The following TTC3 variants were observed in gnomAD, a reference collection of about 807,000 sequenced individuals.
TTC3 encodes the protein tetratricopeptide repeat domain 3, also known as E3 ubiquitin-protein ligase TTC3.
In TTC3, 180 loss-of-function variants were observed where a neutral mutation model predicts 249.6. The observed-to-expected ratio is 0.72, with a 90% CI of 0.64 to 0.82. The LOEUF (loss-of-function observed/expected upper bound fraction) is 0.82, where lower values mean the gene tolerates loss of function less well. Among genes scored for constraint, TTC3 ranks in the 40% least tolerant of loss-of-function variants. The pLI is 0.00. For missense variants in TTC3, 2,061 were observed against 2,398.4 expected (o/e 0.86, Z 2.94); for synonymous variants, 717 against 805.0 (o/e 0.89, Z 1.85).
At chr21:37,141,373 T>C (rs1339497736) in intron 20 of TTC3, among the ~76,000 whole-genome samples, 5 of 151,718 alleles carry the variant, frequency 3.3e-5, no homozygotes, top group Admixed American at 6.6e-5. Context: ...TAAATTTTCA[T>C]GTAACTTGTT....
chr21:37,159,658 A>G (rs1175059234), intron 28 of TTC3, 41 bp from the exon 29 acceptor site: 1 of 1,595,868 alleles, frequency 6.3e-7, no homozygotes, highest in Admixed American at 1.7e-5. Context: ...GGAAATGTAA[A>G]TATTTAGTTT....
chr21:37,181,286 T>C (rs1417962210), intron 35 of TTC3, among the ~76,000 whole-genome samples: 1 of 152,254 alleles, frequency 6.6e-6, no homozygotes, highest in Non-Finnish European at 1.5e-5. Context: ...TAGGTTCTTA[T>C]GCCTCAGCAT....
In TTC3 at chr21:37,104,076, A is replaced by G. The variant is rs2074805255; in HGVS notation, c.846-4316A>G. ...TTCCAGCAGAATATTGACAGTGGGA[A>G]TGGAAAAGTAGAAGGATTCAAGAGT... is the stretch of plus-strand genomic sequence containing the variant. On this transcript the variant is annotated intron_variant, in intron 10 of 45. Coordinates refer to ENST00000355666, the Ensembl canonical transcript of TTC3. Among the ~76,000 whole-genome samples the G allele has an allele frequency of 1.3e-5, 2 of 152,216 alleles. 1 individual carries two copies. Among genetic ancestry groups the G allele is most frequent in the Admixed American group, 1.3e-4 (2 of 15,286 alleles).
chr21:37,080,483 AG>A (rs2071485971), intron 1 of TTC3, among the ~76,000 whole-genome samples: 1 of 152,054 alleles, frequency 6.6e-6, no homozygotes, highest in Non-Finnish European at 1.5e-5. Context: ...TATTAGGTAA[AG>A]CTTGTTATTT....
At chr21:37,122,206 A>T (rs2147869881) in intron 12 of TTC3, among the ~76,000 whole-genome samples, 1 of 152,018 alleles carries the variant, frequency 6.6e-6, no homozygotes, top group East Asian at 1.9e-4. Context: ...TTTGAAACAG[A>T]CAGCAACCAA....
At chr21:37,093,900 A>G in intron 7 of TTC3, 105 bp from the exon 8 acceptor site, 1 of 650,102 alleles carries the variant, frequency 1.5e-6, no homozygotes, top group Middle Eastern at 2.5e-4. Flanking sequence ...ATAATATAGG[A>G]CCGTTGTGGA....
chr21:37,142,205 C>G (rs1352954935), intron 20 of TTC3, among the ~76,000 whole-genome samples: 9 of 152,304 alleles, frequency 5.9e-5, no homozygotes, highest in Admixed American at 3.3e-4. Flanking sequence ...TAGGGATGCC[C>G]TCTCTCACCA....
At chr21:37,177,553 C>T (rs986216379) in intron 35 of TTC3, among the ~76,000 whole-genome samples, 8 of 152,302 alleles carry the variant, frequency 5.3e-5, no homozygotes, top group Middle Eastern at 3.4e-3. Context: ...TCTCCCTTGC[C>T]AGTTCTCTAC....
intron 1 of TTC3, among the ~76,000 whole-genome samples, chr21:37,079,505 G>A (rs368653073): frequency 3.5e-5 from 4 of 114,530 alleles, no homozygotes; most frequent in African/African-American, 1.4e-4. Context: ...CTTTCATCAA[G>A]TTTATGGTAT....
At chr21:37,151,773 A>G in intron 25 of TTC3, 120 bp from the exon 26 acceptor site, 4 of 1,137,756 alleles carry the variant, frequency 3.5e-6, no homozygotes, top group Non-Finnish European at 4.7e-6. Context: ...TGAATGGAAG[A>G]TGTAGGCCGG....
At chr21:37,097,476 A>T (rs1190217341) in intron 10 of TTC3, among the ~76,000 whole-genome samples, 1 of 152,222 alleles carries the variant, frequency 6.6e-6, no homozygotes, top group East Asian at 1.9e-4. Context: ...ACCAAGCTAC[A>T]TAGGCATAAG....
intron 21 of TTC3, 76 bp downstream of exon 21, chr21:37,144,721 G>A (rs1344047): frequency 0.33 from 504,126 of 1,530,884 alleles, 86,338 homozygotes; most frequent in South Asian, 0.52. Flanking sequence ...ATCAGGAGGC[G>A]GAGAGGTAGG....
intron 1 of TTC3, chr21:37,082,773 G>A: frequency 3.0e-6 from 3 of 984,712 alleles, no homozygotes; most frequent in Non-Finnish European, 3.6e-6. Flanking sequence ...CCCCCAGAGT[G>A]TATAGTTGAC....
chr21:37,090,988 C>T (rs1164767898), intron 6 of TTC3, among the ~76,000 whole-genome samples: 1 of 152,056 alleles, frequency 6.6e-6, no homozygotes, highest in Admixed American at 6.6e-5. Flanking sequence ...TGCCTGCTAC[C>T]CCAGGCAGTC....
intron 36 of TTC3, among the ~76,000 whole-genome samples, chr21:37,185,006 G>C (rs1423988612): frequency 6.6e-6 from 1 of 152,184 alleles, no homozygotes; most frequent in Non-Finnish European, 1.5e-5. Flanking sequence ...AAAGAAGGCA[G>C]GGCTTCCATG....
At chr21:37,121,860 A>C in exon 12 of TTC3, 8 of 1,610,358 alleles carry the variant, frequency 5.0e-6, no homozygotes, top group Non-Finnish European at 6.8e-6. Flanking sequence ...CTGGGGGAAT[A>C]TGACTGGGCC....
At chr21:37,087,265 A>G (rs540038399) in exon 2 of TTC3, 13 of 1,613,906 alleles carry the variant, frequency 8.1e-6, no homozygotes, top group African/African-American at 5.3e-5. Flanking sequence ...ACCATGGACA[A>G]TTTTGCTGAG....
intron 1 of TTC3, chr21:37,081,891 G>A (rs1407083441): frequency 7.0e-6 from 1 of 143,668 alleles, no homozygotes; most frequent in Non-Finnish European, 1.5e-5. Flanking sequence ...TTAAGATGGA[G>A]TCTCTCTCTG....
chr21:37,087,335 T>C (rs748588467), exon 2 of TTC3: 1 of 1,614,076 alleles, frequency 6.2e-7, no homozygotes, highest in Non-Finnish European at 8.5e-7. Flanking sequence ...TGGATGATTG[T>C]GTCTTTGCTG....
Sources: allele counts gnomAD v4.1 joint callset (sites outside exome capture counted in the v4.1 genomes callset), GRCh38; gene constraint gnomAD v4.1.1; transcripts MANE v1.5; gene names NCBI Gene and HGNC (gene_info 2026-07-23, HGNC 2026-07-21).